The following FKBP1B variants were observed in gnomAD, a reference collection of about 807,000 sequenced individuals.
The protein encoded by FKBP1B is FKBP prolyl isomerase 1B.
Under a neutral mutation model 13.5 loss-of-function variants are expected in FKBP1B, and 4 were observed. The observed-to-expected ratio is 0.30, with a 90% CI of 0.15 to 0.68. The LOEUF (loss-of-function observed/expected upper bound fraction) is 0.68, where lower values mean the gene tolerates loss of function less well. Ranked by LOEUF, FKBP1B falls within the 30% of genes least tolerant of loss-of-function variation. FKBP1B has a pLI of 0.76. For missense variants in FKBP1B, 93 were observed against 136.2 expected, an observed-to-expected ratio of 0.68 and a Z score of 1.58; for synonymous variants, 54 against 53.6, an observed-to-expected ratio of 1.01 and a Z score of -0.03.
chr2:24,056,948 C>A (rs978354766), intron 2 of FKBP1B, among the ~76,000 whole-genome samples: 1 of 152,144 alleles, frequency 6.6e-6, no homozygotes. Flanking sequence ...GCCTCGGCCT[C>A]CCAGAGTACT....
chr2:24,036,809 C>A, the FKBP1B span, among the ~76,000 whole-genome samples: 3 of 152,154 alleles, frequency 2.0e-5, 1 homozygote, highest in South Asian at 4.1e-4. Flanking sequence ...TATCTATGTA[C>A]ACAAAGACCT....
rs529000663 is a variant in FKBP1B, at chr2:24,050,667, G to C, written c.37+781G>C. On this transcript the variant is annotated intron_variant, in intron 1 of 3. Transcript: ENST00000380986. This position sits in a 1 kb window ranked among gnomAD's most constrained non-coding sequence, Gnocchi z 5.8. ...CCAAGTCCTTGTATTACTGGGTCTGGGTGTGCAAGGAATAGCCATTTCTTT... is the reference window on the plus strand; with the variant it reads ...CCAAGTCCTTGTATTACTGGGTCTGCGTGTGCAAGGAATAGCCATTTCTTT... 6.6e-6 allele frequency among the ~76,000 whole-genome samples: 1 copy of C among 152,172 alleles called. No individual in the cohort carries two copies. Among genetic ancestry groups the C allele is most frequent in the East Asian group, 1.9e-4 (1 of 5,178 alleles).
chr2:24,042,154 C>A, the FKBP1B span, among the ~76,000 whole-genome samples: 1 of 152,062 alleles, frequency 6.6e-6, no homozygotes, highest in Non-Finnish European at 1.5e-5. Flanking sequence ...GTAATCCCAG[C>A]ACTTTGGGAG....
intron 2 of FKBP1B, among the ~76,000 whole-genome samples, chr2:24,054,813 A>G (rs1398238233): frequency 1.3e-5 from 2 of 152,040 alleles, no homozygotes; most frequent in South Asian, 2.1e-4. Flanking sequence ...GGGGCCTCTG[A>G]CCTGTGTAAT....
At chr2:24,054,079 A>G (rs764704484) in intron 2 of FKBP1B, 130 bp downstream of exon 2, 1 of 855,816 alleles carries the variant, frequency 1.2e-6, no homozygotes, top group East Asian at 2.6e-5. Context: ...TCTCCCTGTG[A>G]CCAGCCATCC....
upstream of FKBP1B, among the ~76,000 whole-genome samples, chr2:24,045,633 GGA>G (rs150267187): frequency 0.14 from 14,132 of 99,618 alleles, 919 homozygotes; most frequent in South Asian, 0.22. Context: ...GAGAGAGAGA[GGA>G]AGGAAGGAAG....
At chr2:24,039,586 C>CCA in the FKBP1B span, 4 of 1,384,336 alleles carry the variant, frequency 2.9e-6, no homozygotes, top group Non-Finnish European at 3.9e-6. Context: ...TTTGGTAAGA[C>CCA]AACGGCTTAG....
Position 24,050,680 on chromosome 2 carries a change from T to C in FKBP1B, c.37+794T>C, listed in dbSNP as rs1663827037. 6.6e-6 allele frequency among the ~76,000 whole-genome samples: 1 copy of C among 152,214 alleles called. No individual in the cohort carries two copies. Among genetic ancestry groups the C allele is most frequent in the Non-Finnish European group, 1.5e-5 (1 of 68,036 alleles). On this transcript the variant is annotated intron_variant, in intron 1 of 3. Transcript: ENST00000380986. This position sits in a 1 kb window ranked among gnomAD's most constrained non-coding sequence, Gnocchi z 5.8. ...TTACTGGGTCTGGGTGTGCAAGGAA[T>C]AGCCATTTCTTTATTTCTTGAAATT...
chr2:24,050,106 A>G lies in FKBP1B; in HGVS notation c.37+220A>G, dbSNP rs1470227538. Among the ~76,000 whole-genome samples, 1 of 150,428 alleles carries G rather than the reference A, an allele frequency of 6.6e-6. No homozygotes were observed. The highest frequency in any genetic ancestry group is 2.5e-5 in the African/African-American group (1 of 40,712). Reference sequence around the variant, plus strand: ...TAGGGGAATGTAGGCGGCAGCTCGGAGGCGGGGGTCTGCGGCCCGGAGGCG... The same window carrying G: ...TAGGGGAATGTAGGCGGCAGCTCGGGGGCGGGGGTCTGCGGCCCGGAGGCG... On this transcript the variant is annotated intron_variant, in intron 1 of 3. Coordinates refer to ENST00000380986, the MANE Select transcript of FKBP1B (RefSeq NM_004116.5). The surrounding 1 kb of genome is among the most constrained non-coding windows in gnomAD (Gnocchi z 5.8).
the FKBP1B span, among the ~76,000 whole-genome samples, chr2:24,043,105 G>A: frequency 9.6e-3 from 1,460 of 151,906 alleles, 21 homozygotes; most frequent in African/African-American, 0.031. Flanking sequence ...AGGCCAAGGC[G>A]GGTGGATCAC....
chr2:24,038,303 G>A, the FKBP1B span: 1 of 1,614,166 alleles, frequency 6.2e-7, no homozygotes, highest in Non-Finnish European at 8.5e-7. Flanking sequence ...ATTAGTAATA[G>A]TTGGTCTGTC....
chr2:24,057,608 G>A (rs758651809), intron 2 of FKBP1B, among the ~76,000 whole-genome samples: 3 of 151,994 alleles, frequency 2.0e-5, no homozygotes, highest in Non-Finnish European at 4.4e-5. Flanking sequence ...CCCTACCTCA[G>A]GTGATCTGCT....
intron 2 of FKBP1B, among the ~76,000 whole-genome samples, chr2:24,058,712 T>C (rs1664246323): frequency 6.6e-6 from 1 of 152,246 alleles, no homozygotes; most frequent in African/African-American, 2.4e-5. Flanking sequence ...TCTTAGCATC[T>C]ATTTGGCCAC....
intron 3 of FKBP1B, 155 bp from the exon 4 acceptor site, chr2:24,062,909 G>C (rs1364448471): frequency 1.8e-6 from 2 of 1,121,868 alleles, no homozygotes; most frequent in Non-Finnish European, 2.6e-6. Context: ...AAAGCTGTTA[G>C]CACGATTTCA....
chr2:24,037,864 T>C, the FKBP1B span: 33 of 1,614,086 alleles, frequency 2.0e-5, no homozygotes, highest in Non-Finnish European at 2.6e-5. Context: ...GTTCTTTCTT[T>C]GAGGCAAACG....
At chr2:24,057,680 T>C (rs1664197578) in intron 2 of FKBP1B, among the ~76,000 whole-genome samples, 1 of 151,588 alleles carries the variant, frequency 6.6e-6, no homozygotes, top group African/African-American at 2.4e-5. Context: ...GCCACCTGGC[T>C]AATTTTTAGT....
At chr2:24,056,992 G>A (rs1011891265) in intron 2 of FKBP1B, among the ~76,000 whole-genome samples, 12 of 152,042 alleles carry the variant, frequency 7.9e-5, no homozygotes, top group South Asian at 2.1e-4. Flanking sequence ...TGCCCGGCCG[G>A]TTGTCTTTTT....
At chr2:24,051,689 T>C (rs556675148) in intron 1 of FKBP1B, among the ~76,000 whole-genome samples, 4 of 152,292 alleles carry the variant, frequency 2.6e-5, no homozygotes, top group African/African-American at 9.6e-5. Flanking sequence ...GATGGTGTTT[T>C]TTCACTTCCT....
chr2:24,063,334 C>A lies in FKBP1B; in HGVS notation c.*142C>A. The A allele has an allele frequency of 2.5e-6, 2 of 800,022 alleles. No homozygotes were observed. Among genetic ancestry groups the A allele is most frequent in the Non-Finnish European group, 3.7e-6 (2 of 539,352 alleles). 49.6% of individuals were successfully genotyped at this position (800,022 alleles called of 1,614,324 possible). ...CTCATGGCATCATCCATTCTCTCTG[C>A]CCAAGTTGCTCTGTATGTGTTCGTC... On this transcript the variant is annotated 3_prime_UTR_variant, in exon 4 of 4. Coordinates refer to ENST00000380986, the MANE Select transcript of FKBP1B (RefSeq NM_004116.5).
Sources: allele counts gnomAD v4.1 joint callset (sites outside exome capture counted in the v4.1 genomes callset), GRCh38; gene constraint gnomAD v4.1.1; non-coding constraint Gnocchi (gnomAD v3.1); transcripts MANE v1.5; gene names NCBI Gene and HGNC (gene_info 2026-07-23, HGNC 2026-07-21).